Variants in NTRK3 observed in about 807,000 individuals in gnomAD.
NTRK3 encodes neurotrophic receptor tyrosine kinase 3, also known as NT-3 growth factor receptor.
In NTRK3, 24 loss-of-function variants were observed where a neutral mutation model predicts 91.7. The observed-to-expected ratio is 0.26, with a 90% CI of 0.19 to 0.37. The LOEUF (loss-of-function observed/expected upper bound fraction) is 0.37, where lower values mean the gene tolerates loss of function less well. NTRK3 is among the 10% of genes least tolerant of loss of function. NTRK3 has a pLI of 1.00. For synonymous variants in NTRK3, 483 were observed against 404.0 expected (o/e 1.20, Z -2.34); for missense variants, 880 against 1,068.9 (o/e 0.82, Z 2.46).
intron 17 of NTRK3, among the ~76,000 whole-genome samples, chr15:87,883,817 G>GA (rs1423315481): frequency 6.7e-6 from 1 of 150,012 alleles, no homozygotes; most frequent in South Asian, 2.1e-4. Flanking sequence ...ATTTGGTAAA[G>GA]AAAAAACTGA....
chr15:88,133,126 A>G (rs1199488251), intron 10 of NTRK3, among the ~76,000 whole-genome samples: 1 of 152,116 alleles, frequency 6.6e-6, no homozygotes, highest in East Asian at 1.9e-4. Flanking sequence ...GGTGAGGTGG[A>G]TGGGGCTGGT....
chr15:87,880,538 A>AC, intron 17 of NTRK3, 110 bp from the exon 19 acceptor site: 1 of 1,265,642 alleles, frequency 7.9e-7, no homozygotes, highest in Non-Finnish European at 1.1e-6. Flanking sequence ...CTATTCTAAG[A>AC]TAGTCACAGC....
At chr15:88,093,150 A>G (rs982507495) in intron 13 of NTRK3, among the ~76,000 whole-genome samples, 3 of 151,232 alleles carry the variant, frequency 2.0e-5, no homozygotes, top group African/African-American at 4.9e-5. Context: ...TTTTTACCTC[A>G]ACGTAAACAT....
intron 13 of NTRK3, among the ~76,000 whole-genome samples, chr15:88,114,131 C>T (rs574697564): frequency 7.9e-5 from 12 of 152,132 alleles, no homozygotes; most frequent in Non-Finnish European, 1.6e-4. Flanking sequence ...ACACCAGAGC[C>T]GTGGCTTTCA....
chr15:88,049,784 G>T (rs577785866), intron 13 of NTRK3, among the ~76,000 whole-genome samples: 1 of 152,210 alleles, frequency 6.6e-6, no homozygotes, highest in Non-Finnish European at 1.5e-5. Context: ...TTAACCAATT[G>T]AAAGAGAGGT....
intron 3 of NTRK3, among the ~76,000 whole-genome samples, chr15:88,242,165 G>A (rs1437642645): frequency 6.6e-6 from 1 of 152,148 alleles, no homozygotes; most frequent in Non-Finnish European, 1.5e-5. Context: ...AGGCTTCCTG[G>A]GGTCACCTTC....
chr15:87,975,312 C>A (rs2073629241), intron 14 of NTRK3, among the ~76,000 whole-genome samples: 1 of 152,116 alleles, frequency 6.6e-6, no homozygotes, highest in Non-Finnish European at 1.5e-5. Flanking sequence ...TTCTCATTCT[C>A]TGAGCTTCAG....
chr15:87,981,645 T>C (rs1449744414), intron 14 of NTRK3, among the ~76,000 whole-genome samples: 3 of 152,206 alleles, frequency 2.0e-5, no homozygotes, highest in African/African-American at 7.2e-5. Context: ...TTTCCTAACA[T>C]ATTTGCCCCC....
At chr15:88,145,945 C>T (rs1036260284) in intron 6 of NTRK3, among the ~76,000 whole-genome samples, 1 of 152,112 alleles carries the variant, frequency 6.6e-6, no homozygotes, top group African/African-American at 2.4e-5. Flanking sequence ...AGCTTTGGGT[C>T]CACACACTGC....
Position 87,919,912 on chromosome 15 carries a change from C to T in NTRK3, c.2133+9279G>A, listed in dbSNP as rs1489439000. On this transcript the variant is annotated intron_variant, in intron 17 of 18. Transcript: ENST00000394480. ...TACAGACTGGTTAAGACAACTTTGA[C>T]GTTATTATTCTACCTTTGGCCATGT... Among the ~76,000 whole-genome samples, 5 of 152,126 alleles carry T rather than the reference C, an allele frequency of 3.3e-5. No individual in the cohort carries two copies. In the East Asian group the frequency reaches 5.8e-4, roughly 18 times the overall value.
intron 14 of NTRK3, among the ~76,000 whole-genome samples, chr15:87,956,536 A>T (rs2071676255): frequency 6.6e-6 from 1 of 151,044 alleles, no homozygotes; most frequent in Non-Finnish European, 1.5e-5. Flanking sequence ...AGCCTCCCGA[A>T]GTGCTAGGAT....
chr15:87,918,106 C>A (rs955099625), intron 17 of NTRK3, among the ~76,000 whole-genome samples: 25 of 152,084 alleles, frequency 1.6e-4, no homozygotes, highest in African/African-American at 2.9e-4. Flanking sequence ...TAGTCCTGAG[C>A]CCATGGATTC....
intron 13 of NTRK3, among the ~76,000 whole-genome samples, chr15:88,087,459 A>G (rs1391514405): frequency 6.6e-6 from 1 of 152,152 alleles, no homozygotes; most frequent in African/African-American, 2.4e-5. Flanking sequence ...ACTGTCACTC[A>G]GCCTCATGAA....
intron 14 of NTRK3, among the ~76,000 whole-genome samples, chr15:87,997,003 G>A (rs2075754236): frequency 2.0e-5 from 3 of 152,232 alleles, no homozygotes. Context: ...CTTCCTAAAT[G>A]AGGAGCAAAG....
intron 3 of NTRK3, among the ~76,000 whole-genome samples, chr15:88,245,246 T>C (rs1353773587): frequency 1.3e-5 from 2 of 152,216 alleles, no homozygotes; most frequent in African/African-American, 4.8e-5. Flanking sequence ...CAGACTCCTG[T>C]GGACTGCTCA....
At chr15:88,236,934 G>A (rs558097515) in intron 3 of NTRK3, among the ~76,000 whole-genome samples, 2 of 152,264 alleles carry the variant, frequency 1.3e-5, no homozygotes, top group South Asian at 2.1e-4. Context: ...TCTCTCACTG[G>A]GTTTGGGTCC....
chr15:88,178,095 G>A (rs1390032876), intron 5 of NTRK3, among the ~76,000 whole-genome samples: 2 of 152,182 alleles, frequency 1.3e-5, no homozygotes, highest in African/African-American at 4.8e-5. Flanking sequence ...AACAGAAGAA[G>A]GAGGATACTT....
chr15:88,207,919 A>G (rs2048930414), intron 3 of NTRK3, among the ~76,000 whole-genome samples: 1 of 152,130 alleles, frequency 6.6e-6, no homozygotes, highest in Admixed American at 6.5e-5. Context: ...TTCCATTTTA[A>G]CTTGAACAAC....
At chr15:88,088,845 G>A (rs1036818863) in intron 13 of NTRK3, among the ~76,000 whole-genome samples, 2 of 152,118 alleles carry the variant, frequency 1.3e-5, no homozygotes, top group Non-Finnish European at 2.9e-5. Flanking sequence ...TGGCTTCCCC[G>A]TTCTCCAGCT....
Sources: gnomAD v4.1 joint callset for allele counts (sites outside exome capture counted in the v4.1 genomes callset) on GRCh38, gnomAD v4.1.1 for gene constraint, MANE v1.5 for transcripts, NCBI Gene and HGNC (gene_info 2026-07-23, HGNC 2026-07-21) for gene names.